Variants in LARGE1 observed in about 807,000 individuals in gnomAD.
LARGE1 encodes LARGE xylosyl- and glucuronyltransferase 1.
A neutral mutation model predicts 87.6 loss-of-function variants in LARGE1; 43 were observed. That is an observed-to-expected ratio of 0.49 (90% CI 0.38 to 0.63). The LOEUF is 0.63. Ranked by LOEUF, LARGE1 falls within the 30% of genes least tolerant of loss-of-function variation. The probability of loss-of-function intolerance (pLI) is 0.00; values close to 1 mark genes in which losing one functional copy is unlikely to be tolerated. For missense variants in LARGE1, 802 were observed against 1,000.2 expected (o/e 0.80, Z 2.67); for synonymous variants, 434 against 394.6 (o/e 1.10, Z -1.18).
chr22:33,520,808 CGT>C (rs1358429791), intron 6 of LARGE1, among the ~76,000 whole-genome samples: 1 of 152,194 alleles, frequency 6.6e-6, no homozygotes, highest in African/African-American at 2.4e-5. Flanking sequence ...AAAAAGAAAG[CGT>C]GGAGTGGCTC....
intron 5 of LARGE1, among the ~76,000 whole-genome samples, chr22:33,592,693 ACTGT>A (rs72316546): frequency 0.14 from 22,019 of 152,214 alleles, 1,774 homozygotes; most frequent in African/African-American, 0.21. Context: ...CTCTGTACAC[ACTGT>A]CTGCCCCTTT....
the LARGE1 span, among the ~76,000 whole-genome samples, chr22:33,077,714 C>A: frequency 1.3e-5 from 2 of 152,192 alleles, no homozygotes; most frequent in Non-Finnish European, 2.9e-5. Context: ...TTTACCTGAT[C>A]ATCTTAACAC....
Position 33,519,227 on chromosome 22 carries a change from T to TACGC in LARGE1, c.787+45620_787+45621insGCGT, listed in dbSNP as rs543495623. 7.8e-3 allele frequency among the ~76,000 whole-genome samples: 1,066 copies of TACGC among 136,318 alleles called. 8 individuals carry two copies. Among genetic ancestry groups the TACGC allele is most frequent in the African/African-American group, 0.02 (825 of 40,346 alleles). The allele number at this position is 136,318 out of a possible 152,430, so 89.4% of individuals were successfully genotyped here. A position where few individuals can be genotyped will look rare whatever the true frequency, so the allele number is the denominator to read the frequency against. On this transcript the variant is annotated intron_variant, in intron 6 of 14. Coordinates refer to ENST00000397394, the MANE Select transcript of LARGE1 (RefSeq NM_133642.5). ...TCTGCAGGTCCCTGAGCTGCGTGCG[T>TACGC]GCGCGCGCGTGTGTGTGTGTGTGTG...
At chr22:33,756,745 G>C (rs2084528119) in intron 2 of LARGE1, among the ~76,000 whole-genome samples, 1 of 152,178 alleles carries the variant, frequency 6.6e-6, no homozygotes, top group South Asian at 2.1e-4. Context: ...CAGCCCTGAG[G>C]AGTCTGAAGA....
chr22:33,707,115 G>A (rs1465545393), intron 2 of LARGE1, among the ~76,000 whole-genome samples: 2 of 152,178 alleles, frequency 1.3e-5, no homozygotes, highest in African/African-American at 2.4e-5. Context: ...GAACTGGCAC[G>A]CGAGACCAAT....
Position 33,521,224 on chromosome 22 carries a change from A to C in LARGE1, c.787+43624T>G, listed in dbSNP as rs144969405. Among the ~76,000 whole-genome samples, 491 of 152,376 alleles carry C rather than the reference A, an allele frequency of 3.2e-3. 2 individuals are homozygous for C. Among genetic ancestry groups the C allele is most frequent in the African/African-American group, 0.011 (473 of 41,590 alleles). ...GTATCAGTCAGCATTGCTGTGTAACAAGTAATCCTCACATGTAGTGGCTTA... is the reference window on the plus strand; with the variant it reads ...GTATCAGTCAGCATTGCTGTGTAACCAGTAATCCTCACATGTAGTGGCTTA... On this transcript the variant is annotated intron_variant, in intron 6 of 14. Transcript: ENST00000397394.
intron 1 of LARGE1, among the ~76,000 whole-genome samples, chr22:33,806,783 A>G (rs5999109): frequency 0.9 from 137,452 of 152,186 alleles, 62,175 homozygotes; most frequent in East Asian, 0.97. Flanking sequence ...AGGCCGAGGC[A>G]GGCGGATCAC....
chr22:33,314,632 A>C (rs1279611101), intron 11 of LARGE1, among the ~76,000 whole-genome samples: 1 of 152,176 alleles, frequency 6.6e-6, no homozygotes, highest in African/African-American at 2.4e-5. Flanking sequence ...AATCCCATGG[A>C]ATCTCACCCA....
chr22:33,346,940 A>G (rs1336148927), intron 9 of LARGE1, among the ~76,000 whole-genome samples: 1 of 152,204 alleles, frequency 6.6e-6, no homozygotes, highest in Non-Finnish European at 1.5e-5. Context: ...ACATATGGCT[A>G]GTGTCCTCTT....
chr22:33,252,652 T>C (rs1353528068), intron 11 of LARGE1, among the ~76,000 whole-genome samples: 1 of 152,026 alleles, frequency 6.6e-6, no homozygotes, highest in African/African-American at 2.4e-5. Flanking sequence ...ATTCTAACAT[T>C]TGCCCAAAGA....
chr22:33,514,858 G>C (rs1158971552), intron 6 of LARGE1, among the ~76,000 whole-genome samples: 1 of 152,054 alleles, frequency 6.6e-6, no homozygotes, highest in Admixed American at 6.5e-5. Flanking sequence ...GACAGCCAAG[G>C]CCCAAAGATA....
intron 6 of LARGE1, among the ~76,000 whole-genome samples, chr22:33,492,286 C>T (rs1001757876): frequency 1.3e-5 from 2 of 152,170 alleles, no homozygotes; most frequent in African/African-American, 4.8e-5. Flanking sequence ...GGTCCAAAGT[C>T]CATGGCAGGA....
chr22:33,270,320 T>C (rs1396671590), downstream of LARGE1, among the ~76,000 whole-genome samples: 1 of 146,612 alleles, frequency 6.8e-6, no homozygotes, highest in Non-Finnish European at 1.5e-5. Context: ...TTAAAAAAAA[T>C]GAGGAAAACG....
chr22:33,283,168 G>A (rs1930794985), intron 13 of LARGE1, 34 bp downstream of exon 13: 1 of 1,613,430 alleles, frequency 6.2e-7, no homozygotes, highest in Non-Finnish European at 8.5e-7. Context: ...AGGCCTTCGA[G>A]CACCCCCAGA....
intron 1 of LARGE1, among the ~76,000 whole-genome samples, chr22:33,785,284 C>T (rs375304190): frequency 2.6e-5 from 4 of 151,210 alleles, no homozygotes; most frequent in South Asian, 2.1e-4. Context: ...TGTATATATA[C>T]GTATATATGT....
At chr22:33,140,521 A>G in the LARGE1 span, among the ~76,000 whole-genome samples, 2 of 152,188 alleles carry the variant, frequency 1.3e-5, no homozygotes, top group Non-Finnish European at 2.9e-5. Flanking sequence ...AGGCAGACCT[A>G]CCCTCAATCT....
chr22:33,496,801 A>G (rs930367561), intron 6 of LARGE1, among the ~76,000 whole-genome samples: 1 of 151,008 alleles, frequency 6.6e-6, no homozygotes, highest in African/African-American at 2.4e-5. Context: ...GCACTTAAAA[A>G]CTCCTAATTT....
intron 11 of LARGE1, among the ~76,000 whole-genome samples, chr22:33,246,633 G>A (rs188232781): frequency 5.3e-5 from 8 of 152,226 alleles, no homozygotes; most frequent in Non-Finnish European, 8.8e-5. Flanking sequence ...GTGCCAGAGC[G>A]AGACTCCATC....
At chr22:33,738,314 C>G (rs1388481164) in intron 2 of LARGE1, among the ~76,000 whole-genome samples, 1 of 152,026 alleles carries the variant, frequency 6.6e-6, no homozygotes, top group Non-Finnish European at 1.5e-5. Flanking sequence ...AGGAGGTGGT[C>G]TGGATATGAA....
Sources: allele counts gnomAD v4.1 joint callset (sites outside exome capture counted in the v4.1 genomes callset), GRCh38; gene constraint gnomAD v4.1.1; transcripts MANE v1.5; gene names NCBI Gene and HGNC (gene_info 2026-07-23, HGNC 2026-07-21).